The following MAGI2 variants were observed in gnomAD, a reference collection of about 807,000 sequenced individuals.
The protein encoded by MAGI2 is membrane-associated guanylate kinase, WW and PDZ domain-containing protein 2.
Under a neutral mutation model 133.3 loss-of-function variants are expected in MAGI2, and 35 were observed. The ratio of observed to expected loss-of-function variants is 0.26; its 90% CI spans 0.20 to 0.35. MAGI2 has a LOEUF of 0.35. Ranked by LOEUF, MAGI2 falls within the 10% of genes least tolerant of loss-of-function variation. MAGI2 has a pLI of 1.00. For synonymous variants in MAGI2, 729 were observed against 710.6 expected (o/e 1.03, Z -0.41); for missense variants, 1,636 against 1,863.4 (o/e 0.88, Z 2.25).
At chr7:78,667,863 G>A (rs927910358) in intron 2 of MAGI2, among the ~76,000 whole-genome samples, 23 of 152,188 alleles carry the variant, frequency 1.5e-4, no homozygotes, top group African/African-American at 5.5e-4. Context: ...GTGTGCATGT[G>A]TCTTCATAGC....
intron 2 of MAGI2, among the ~76,000 whole-genome samples, chr7:78,733,022 G>A (rs1187805017): frequency 6.6e-6 from 1 of 152,056 alleles, no homozygotes; most frequent in African/African-American, 2.4e-5. Flanking sequence ...GAGCCTTAAG[G>A]GGCTGTGCAA....
chr7:78,903,172 C>CTTTT lies in MAGI2; in HGVS notation c.418+103914_418+103917dup, dbSNP rs10526268. On this transcript the variant is annotated intron_variant, in intron 2 of 21. Transcript: ENST00000354212. The stretch of plus-strand genomic sequence containing the variant: ...TTCATGCAAGTGGGAGTTCCTGAAT[C>CTTTT]TTTTTTTTTTTTTTTTTTTTTTTTT... Among the ~76,000 whole-genome samples, 39 of 56,118 alleles carry CTTTT rather than the reference C, an allele frequency of 6.9e-4. 6 individuals are homozygous for CTTTT. The highest frequency in any genetic ancestry group is 1.0e-3 in the African/African-American group (16 of 15,690). The allele number at this position is 56,118 out of a possible 152,430, so 36.8% of individuals were successfully genotyped here. A position where few individuals can be genotyped will look rare whatever the true frequency, so the allele number is the denominator to read the frequency against.
At chr7:78,328,301 T>G (rs1788792654) in intron 9 of MAGI2, among the ~76,000 whole-genome samples, 3 of 151,982 alleles carry the variant, frequency 2.0e-5, no homozygotes. Context: ...TACTTTGTAC[T>G]TGAGGTTCTA....
chr7:78,534,497 A>G (rs1255113505), intron 3 of MAGI2, among the ~76,000 whole-genome samples: 1 of 152,214 alleles, frequency 6.6e-6, no homozygotes, highest in Non-Finnish European at 1.5e-5. Context: ...GTGCTCCCAA[A>G]TAAATCAAGT....
At chr7:79,032,730 T>C (rs1810724568) in intron 1 of MAGI2, among the ~76,000 whole-genome samples, 2 of 151,660 alleles carry the variant, frequency 1.3e-5, no homozygotes, top group South Asian at 4.2e-4. Flanking sequence ...AAGGAAAGAG[T>C]TTCTAAACAA....
intron 6 of MAGI2, among the ~76,000 whole-genome samples, chr7:78,483,283 T>G (rs970272867): frequency 6.6e-6 from 1 of 151,944 alleles, no homozygotes; most frequent in African/African-American, 2.4e-5. Flanking sequence ...TCAATATTAT[T>G]TTAAAAGTTG....
At chr7:78,606,486 G>A (rs569935031) in intron 3 of MAGI2, among the ~76,000 whole-genome samples, 1 of 152,196 alleles carries the variant, frequency 6.6e-6, no homozygotes, top group South Asian at 2.1e-4. Flanking sequence ...GGAGAACCAG[G>A]AAGAAAGAAG....
At chr7:78,138,453 T>G (rs1269597980) in intron 16 of MAGI2, among the ~76,000 whole-genome samples, 1 of 152,218 alleles carries the variant, frequency 6.6e-6, no homozygotes, top group African/African-American at 2.4e-5. Context: ...GTAATTTCTT[T>G]GGGTTTTAGA....
intron 6 of MAGI2, among the ~76,000 whole-genome samples, chr7:78,389,279 G>A (rs947575489): frequency 5.9e-5 from 9 of 152,128 alleles, no homozygotes; most frequent in South Asian, 2.1e-4. Flanking sequence ...ACTGGAAGGC[G>A]CTCCATGGGA....
At chr7:78,928,669 A>T (rs1019511980) in intron 2 of MAGI2, among the ~76,000 whole-genome samples, 3 of 152,078 alleles carry the variant, frequency 2.0e-5, no homozygotes, top group African/African-American at 7.2e-5. Context: ...TAAACCTAAA[A>T]TGGGTATGAT....
intron 3 of MAGI2, among the ~76,000 whole-genome samples, chr7:78,574,407 G>C (rs1323203235): frequency 6.6e-6 from 1 of 152,128 alleles, no homozygotes; most frequent in Non-Finnish European, 1.5e-5. Context: ...TTTCTGCATG[G>C]ATTTATATAT....
At chr7:78,546,458 TAAGA>T (rs1418462896) in intron 3 of MAGI2, among the ~76,000 whole-genome samples, 1 of 152,160 alleles carries the variant, frequency 6.6e-6, no homozygotes, top group Admixed American at 6.5e-5. Context: ...AAGAAAAGCA[TAAGA>T]AAGATAGACA....
intron 1 of MAGI2, among the ~76,000 whole-genome samples, chr7:79,193,738 C>A (rs1269205450): frequency 6.6e-6 from 1 of 151,794 alleles, no homozygotes; most frequent in Non-Finnish European, 1.5e-5. Context: ...CCCCCCACCA[C>A]TTTTTGTACA....
At chr7:78,191,181 A>G (rs1381781796) in intron 12 of MAGI2, among the ~76,000 whole-genome samples, 1 of 151,918 alleles carries the variant, frequency 6.6e-6, no homozygotes, top group East Asian at 1.9e-4. Flanking sequence ...ACTTTTATAT[A>G]TGTAAGTTTA....
chr7:78,899,846 G>T (rs1002043458), intron 2 of MAGI2, among the ~76,000 whole-genome samples: 3 of 152,216 alleles, frequency 2.0e-5, no homozygotes, highest in South Asian at 4.1e-4. Flanking sequence ...AATGGGCAAA[G>T]GTATACATAC....
At chr7:78,860,698 C>A (rs1296122525) in intron 2 of MAGI2, among the ~76,000 whole-genome samples, 1 of 152,136 alleles carries the variant, frequency 6.6e-6, no homozygotes, top group Non-Finnish European at 1.5e-5. Flanking sequence ...GTTCTGGCAC[C>A]CCCTTGAGGA....
rs138997710 is a variant in MAGI2 at position 78,623,951 on chromosome 7, G to T, written c.538+3169C>A. On this transcript the variant is annotated intron_variant, in intron 3 of 21. Coordinates refer to ENST00000354212, the MANE Select transcript of MAGI2 (RefSeq NM_012301.4). ...GGATGTTAGTATAACAAAACCTACC[G>T]TTCTATCAATTGTATAAAAGTACAG... Among the ~76,000 whole-genome samples, 1,035 of 152,060 alleles carry T rather than the reference G, an allele frequency of 6.8e-3. 14 individuals carry two copies. The highest frequency in any genetic ancestry group is 0.018 in the African/African-American group (763 of 41,494).
chr7:79,272,734 C>A (rs549033446), intron 1 of MAGI2, among the ~76,000 whole-genome samples: 1 of 151,824 alleles, frequency 6.6e-6, no homozygotes, highest in Admixed American at 6.6e-5. Flanking sequence ...TAGTATTAAT[C>A]TAATACCATA....
At chr7:78,875,122 TC>T (rs1480004852) in intron 2 of MAGI2, among the ~76,000 whole-genome samples, 1 of 152,154 alleles carries the variant, frequency 6.6e-6, no homozygotes, top group East Asian at 1.9e-4. Flanking sequence ...TCTGTCCATA[TC>T]CCTGGCTGTT....
Sources: allele counts gnomAD v4.1 joint callset (sites outside exome capture counted in the v4.1 genomes callset), GRCh38; gene constraint gnomAD v4.1.1; transcripts MANE v1.5; gene names NCBI Gene and HGNC (gene_info 2026-07-23, HGNC 2026-07-21).